ADGRL4: variants seen among roughly 807,000 people sequenced by gnomAD.
ADGRL4 encodes the protein adhesion G protein-coupled receptor L4, also known as EGF, latrophilin and seven transmembrane domain containing 1.
In ADGRL4, 90 loss-of-function variants were observed where a neutral mutation model predicts 74.8. The ratio of observed to expected loss-of-function variants is 1.20; its 90% CI spans 1.02 to 1.43. The LOEUF is 1.43. Among genes scored for constraint, ADGRL4 ranks in the 40% most tolerant of loss-of-function variants. The probability of loss-of-function intolerance (pLI) is 0.00; values close to 1 mark genes in which losing one functional copy is unlikely to be tolerated. For synonymous variants in ADGRL4, 311 were observed against 279.2 expected (o/e 1.11, Z -1.14); for missense variants, 881 against 814.3 (o/e 1.08, Z -1.00).
intron 12 of ADGRL4, among the ~76,000 whole-genome samples, chr1:78,896,490 A>T (rs960684425): frequency 2.6e-5 from 4 of 152,062 alleles, no homozygotes; most frequent in African/African-American, 7.2e-5. Flanking sequence ...ATCTCAAAAA[A>T]ATGTTATCTT....
intron 2 of ADGRL4, among the ~76,000 whole-genome samples, chr1:78,946,912 T>C (rs1353603598): frequency 6.6e-6 from 1 of 152,214 alleles, no homozygotes; most frequent in African/African-American, 2.4e-5. Context: ...CATGTATTCA[T>C]TAATGCATTT....
chr1:78,934,858 C>A (rs1016475601), intron 7 of ADGRL4, among the ~76,000 whole-genome samples: 14 of 152,106 alleles, frequency 9.2e-5, no homozygotes, highest in African/African-American at 3.4e-4. Flanking sequence ...AAGGAGATAC[C>A]ATCTCATGCC....
intron 7 of ADGRL4, among the ~76,000 whole-genome samples, chr1:78,931,197 T>C (rs570480773): frequency 6.6e-6 from 1 of 151,318 alleles, no homozygotes; most frequent in South Asian, 2.1e-4. Context: ...GCAGGCCACC[T>C]ATAAAGGGAA....
At chr1:78,928,140 A>G (rs1428205901) in intron 7 of ADGRL4, among the ~76,000 whole-genome samples, 1 of 151,592 alleles carries the variant, frequency 6.6e-6, no homozygotes, top group Non-Finnish European at 1.5e-5. Flanking sequence ...GAGTTGTAGT[A>G]GAAGATGGTT....
intron 2 of ADGRL4, among the ~76,000 whole-genome samples, chr1:78,997,694 G>A (rs1650746870): frequency 6.6e-6 from 1 of 151,864 alleles, no homozygotes; most frequent in Admixed American, 6.6e-5. Flanking sequence ...ATTCATCTAG[G>A]TGTTTATATT....
rs781369886 is a variant in ADGRL4, at chr1:78,946,389, G to A, written c.210C>T (p.Gly70=). The part of the protein sequence containing the change: ...NECGNLTQSC[G]ENANCTNTEG... ...CTGTGTTAGTGCAATTAGCATTTTC[G>A]CCACAGGACTGAGTTAAATTTCCAC... is the stretch of plus-strand genomic sequence containing the variant. Residue 70 remains glycine, a synonymous_variant, in exon 3 of 15, where the codon GGC becomes GGT. Transcript: ENST00000370742. 37 of 1,611,936 alleles carry A rather than the reference G, an allele frequency of 2.3e-5. No individual in the cohort carries two copies. Among genetic ancestry groups the A allele is most frequent in the Middle Eastern group, 1.6e-4 (1 of 6,074 alleles).
chr1:78,891,668 A>G lies in ADGRL4; in HGVS notation c.1866T>C (p.Ala622=), dbSNP rs1648277091. The G allele has an allele frequency of 6.2e-7, 1 of 1,612,536 alleles. No homozygotes were observed. Among genetic ancestry groups the G allele is most frequent in the African/African-American group, 1.3e-5 (1 of 74,840 alleles). ...AGGTGGTGCCGAGAAGGAACAGAAG[A>G]GCGAGGGCTCCTCTTGCACAAGACC... ...NIRSCARGAL[A]LLFLLGTTWI... The change falls in exon 14 of 15, where the codon GCT becomes GCC. Residue 622 remains alanine (A), a synonymous_variant. Transcript: ENST00000370742.
chr1:78,965,187 C>G (rs1306171492), intron 2 of ADGRL4, among the ~76,000 whole-genome samples: 1 of 151,986 alleles, frequency 6.6e-6, no homozygotes, highest in African/African-American at 2.4e-5. Context: ...AATTTACAAG[C>G]TAAAGTCATT....
intron 2 of ADGRL4, among the ~76,000 whole-genome samples, chr1:78,995,785 C>A (rs529121324): frequency 6.6e-6 from 1 of 152,288 alleles, no homozygotes; most frequent in South Asian, 2.1e-4. Flanking sequence ...TTTAGGGAAA[C>A]TAAGGCTTGG....
rs80287950 is a variant in ADGRL4 at position 78,948,441 on chromosome 1, A to G, written c.173-2015T>C. Among the ~76,000 whole-genome samples the G allele has an allele frequency of 2.9e-3, 437 of 152,234 alleles. 11 individuals carry two copies. The East Asian group carries it at 0.068, about 24-fold the overall frequency. ...AAAATTTAAAAAATTTTAAAAGCAT[A>G]TTTAAGATACTTTGTTCAGATTTAG... On this transcript the variant is annotated intron_variant, in intron 2 of 14. Transcript: ENST00000370742.
chr1:78,902,721 A>G (rs1160299771), intron 12 of ADGRL4, among the ~76,000 whole-genome samples: 1 of 152,208 alleles, frequency 6.6e-6, no homozygotes, highest in Non-Finnish European at 1.5e-5. Context: ...CAACATATTA[A>G]TAAGTATTAC....
chr1:78,902,092 G>A (rs1648532908), intron 12 of ADGRL4, among the ~76,000 whole-genome samples: 1 of 152,116 alleles, frequency 6.6e-6, no homozygotes, highest in Admixed American at 6.6e-5. Context: ...AAAAAATGCA[G>A]TAAACTCTTG....
intron 2 of ADGRL4, among the ~76,000 whole-genome samples, chr1:78,996,265 TA>T (rs2100738519): frequency 6.6e-6 from 1 of 152,338 alleles, no homozygotes; most frequent in Admixed American, 6.5e-5. Context: ...TTTTGAAAAG[TA>T]CTTTCTCTCT....
intron 2 of ADGRL4, among the ~76,000 whole-genome samples, chr1:78,986,604 C>T (rs1439004653): frequency 1.3e-5 from 2 of 151,506 alleles, no homozygotes; most frequent in Non-Finnish European, 3.0e-5. Context: ...GAATGAGACT[C>T]TATCTCAATA....
intron 12 of ADGRL4, among the ~76,000 whole-genome samples, chr1:78,906,019 T>C (rs1648627397): frequency 6.6e-6 from 1 of 151,788 alleles, no homozygotes; most frequent in Admixed American, 6.6e-5. Flanking sequence ...TAGGGAAAAA[T>C]AATAAAGTTA....
chr1:78,989,400 C>T (rs960319049), intron 2 of ADGRL4, among the ~76,000 whole-genome samples: 2 of 151,668 alleles, frequency 1.3e-5, no homozygotes, highest in African/African-American at 4.8e-5. Flanking sequence ...GTGATTGGTA[C>T]AAAGGAAATT....
At chr1:78,924,756 G>A (rs563910232) in intron 8 of ADGRL4, among the ~76,000 whole-genome samples, 1 of 152,074 alleles carries the variant, frequency 6.6e-6, no homozygotes, top group Non-Finnish European at 1.5e-5. Context: ...TGATTCAGTT[G>A]TGAATAACAC....
At chr1:78,980,166 GCA>G (rs1251795539) in intron 2 of ADGRL4, among the ~76,000 whole-genome samples, 3 of 151,000 alleles carry the variant, frequency 2.0e-5, no homozygotes, top group East Asian at 1.9e-4. Context: ...TCATGCGTGT[GCA>G]CACACACACA....
chr1:78,989,626 G>A (rs1411038670), intron 2 of ADGRL4, among the ~76,000 whole-genome samples: 1 of 151,708 alleles, frequency 6.6e-6, no homozygotes, highest in Admixed American at 6.6e-5. Context: ...AAGCAGAAGA[G>A]CATCTTGTTA....
Sources: allele counts gnomAD v4.1 joint callset (sites outside exome capture counted in the v4.1 genomes callset), GRCh38; gene constraint gnomAD v4.1.1; transcripts MANE v1.5; gene names NCBI Gene and HGNC (gene_info 2026-07-23, HGNC 2026-07-21).